The following PALLD variants were observed in gnomAD, a reference collection of about 807,000 sequenced individuals.
PALLD encodes palladin, cytoskeletal associated protein.
PALLD carries 61 observed loss-of-function variants against 123.5 expected under a neutral mutation model. The observed-to-expected ratio is 0.49, with a 90% confidence interval of 0.40 to 0.61. The LOEUF (loss-of-function observed/expected upper bound fraction) is 0.61. Ranked by LOEUF, PALLD falls within the 20% of genes least tolerant of loss-of-function variation. The pLI is 0.00. For missense variants in PALLD, 1,273 were observed against 1,377.0 expected (o/e 0.92, Z 1.20); for synonymous variants, 465 against 496.4 (o/e 0.94, Z 0.84).
chr4:168,604,854 A>C (rs1181716898), intron 2 of PALLD, among the ~76,000 whole-genome samples: 1 of 152,208 alleles, frequency 6.6e-6, no homozygotes, highest in Non-Finnish European at 1.5e-5. Context: ...TAAGAAACAA[A>C]GTTCTCAACT....
intron 10 of PALLD, among the ~76,000 whole-genome samples, chr4:168,861,595 A>C (rs1315183224): frequency 1.3e-5 from 2 of 152,146 alleles, no homozygotes; most frequent in African/African-American, 4.8e-5. Flanking sequence ...TATGGTCACA[A>C]AGATTTTCTC....
intron 10 of PALLD, among the ~76,000 whole-genome samples, chr4:168,726,015 C>T (rs1392796140): frequency 6.6e-6 from 1 of 152,174 alleles, no homozygotes; most frequent in Non-Finnish European, 1.5e-5. Flanking sequence ...GTGAAATATT[C>T]ATGTGTATTT....
intron 10 of PALLD, among the ~76,000 whole-genome samples, chr4:168,771,737 C>T (rs1357693401): frequency 2.6e-5 from 4 of 152,120 alleles, no homozygotes; most frequent in Non-Finnish European, 4.4e-5. Context: ...TCCCTCAAGG[C>T]GACTCTCCTT....
At chr4:168,689,383 A>ATGTTTGAG in intron 6 of PALLD, among the ~76,000 whole-genome samples, 1 of 132,776 alleles carries the variant, frequency 7.5e-6, no homozygotes, top group East Asian at 2.4e-4. Context: ...TGGATAAATT[A>ATGTTTGAG]TGTTTGAGTT....
chr4:168,636,657 G>A (rs1776375000), intron 2 of PALLD, among the ~76,000 whole-genome samples: 2 of 152,172 alleles, frequency 1.3e-5, no homozygotes, highest in Admixed American at 1.3e-4. Context: ...TTCTGTGTCT[G>A]ATGAATCACT....
chr4:168,790,472 T>TA (rs1232281127), intron 10 of PALLD, among the ~76,000 whole-genome samples: 1 of 152,114 alleles, frequency 6.6e-6, no homozygotes, highest in Non-Finnish European at 1.5e-5. Flanking sequence ...TTTTTTTTTT[T>TA]AATGTTAGAA....
At chr4:168,778,721 A>G (rs1735508646) in intron 10 of PALLD, among the ~76,000 whole-genome samples, 1 of 152,254 alleles carries the variant, frequency 6.6e-6, no homozygotes, top group Non-Finnish European at 1.5e-5. Flanking sequence ...TCTATATTTT[A>G]CAAAGAAAAC....
chr4:168,878,346 C>T lies in PALLD; in HGVS notation c.1965-12576C>T, dbSNP rs1028296583. 1 of 1,519,634 alleles carries T rather than the reference C, an allele frequency of 6.6e-7. No homozygotes were observed. Among genetic ancestry groups the T allele is most frequent in the African/African-American group, 1.4e-5 (1 of 71,388 alleles). 94.1% of individuals were successfully genotyped at this position (1,519,634 alleles called of 1,614,324 possible). ...AGCGCTCTGCTGCCCTCGCAGCCGC[C>T]GCCGGCGGCCGTCAACGCCCTGGGG... On this transcript the variant is annotated intron_variant, in intron 10 of 21. Transcript: ENST00000505667.
chr4:168,512,520 GTAGA>G, intron 2 of PALLD, 108 bp downstream of exon 2: 1 of 1,049,028 alleles, frequency 9.5e-7, no homozygotes, highest in South Asian at 1.4e-5. Flanking sequence ...GGAGACTGAG[GTAGA>G]GTACTTGCAA....
intron 2 of PALLD, chr4:168,631,551 C>T (rs1775807045): frequency 1.1e-6 from 1 of 931,444 alleles, no homozygotes; most frequent in South Asian, 4.9e-5. Context: ...CACCCTCTCC[C>T]CCTCCCCAGC....
At chr4:168,780,710 C>CA (rs1322171307) in intron 10 of PALLD, among the ~76,000 whole-genome samples, 4 of 152,094 alleles carry the variant, frequency 2.6e-5, no homozygotes, top group African/African-American at 7.2e-5. Flanking sequence ...TTTTTGGAGA[C>CA]AGAGTCTCAC....
intron 3 of PALLD, among the ~76,000 whole-genome samples, chr4:168,670,690 G>A (rs1232728390): frequency 2.8e-5 from 4 of 141,534 alleles, no homozygotes; most frequent in Non-Finnish European, 4.5e-5. Context: ...CCGAGATTGC[G>A]CCACTGCAGT....
intron 10 of PALLD, among the ~76,000 whole-genome samples, chr4:168,795,040 C>T (rs980763662): frequency 6.6e-6 from 1 of 152,164 alleles, no homozygotes; most frequent in African/African-American, 2.4e-5. Flanking sequence ...TCACTGTGTG[C>T]TCATGCGGTG....
intron 14 of PALLD, among the ~76,000 whole-genome samples, chr4:168,900,753 T>G (rs1033555755): frequency 2.6e-5 from 4 of 152,216 alleles, no homozygotes; most frequent in African/African-American, 9.6e-5. Context: ...AGAAAACTTT[T>G]TACAATATTC....
chr4:168,585,301 A>AGTGTGT (rs3036319), intron 2 of PALLD, among the ~76,000 whole-genome samples: 3 of 150,152 alleles, frequency 2.0e-5, no homozygotes, highest in Non-Finnish European at 4.4e-5. Context: ...TATGAGTGTG[A>AGTGTGT]GTGTGTGTGT....
intron 10 of PALLD, among the ~76,000 whole-genome samples, chr4:168,761,645 G>GTTGTTTT (rs1732869963): frequency 2.3e-5 from 2 of 88,024 alleles, no homozygotes; most frequent in Non-Finnish European, 4.4e-5. Context: ...GTTGTTGTTT[G>GTTGTTTT]TTTTTTTTTT....
At chr4:168,505,786 A>G (rs2149407941) in intron 1 of PALLD, among the ~76,000 whole-genome samples, 1 of 152,356 alleles carries the variant, frequency 6.6e-6, no homozygotes, top group Admixed American at 6.5e-5. Flanking sequence ...ATCATTATCA[A>G]TCATCGTGAT....
At chr4:168,915,759 G>A (rs1759958942) in intron 16 of PALLD, 136 bp from the exon 17 acceptor site, 3 of 672,310 alleles carry the variant, frequency 4.5e-6, no homozygotes, top group Non-Finnish European at 5.1e-6. Context: ...ATTTTTTAAT[G>A]TGTAAATCTT....
At chr4:168,677,371 G>T (rs113444668) in intron 3 of PALLD, among the ~76,000 whole-genome samples, 5,328 of 152,174 alleles carry the variant, frequency 0.035, 170 homozygotes, top group South Asian at 0.12. Flanking sequence ...TTTCACAAGG[G>T]TTGGACAGGT....
Sources: allele counts gnomAD v4.1 joint callset (sites outside exome capture counted in the v4.1 genomes callset), GRCh38; gene constraint gnomAD v4.1.1; transcripts MANE v1.5; gene names NCBI Gene and HGNC (gene_info 2026-07-23, HGNC 2026-07-21).